Variants in OR10J1 observed in about 807,000 individuals in gnomAD.
The protein encoded by OR10J1 is olfactory receptor family 10 subfamily J member 1.
For missense variants in OR10J1, 474 were observed against 376.6 expected, an observed-to-expected ratio of 1.26 and a Z score of -2.14; for synonymous variants, 202 against 143.8, an observed-to-expected ratio of 1.40 and a Z score of -2.89.
At chr1:159,414,240 A>G in the OR10J1 span, among the ~76,000 whole-genome samples, 2 of 151,616 alleles carry the variant, frequency 1.3e-5, no homozygotes, top group Non-Finnish European at 2.9e-5. Context: ...CTTCATCACC[A>G]CCCTCCTACC....
At chr1:159,404,019 G>A in the OR10J1 span, among the ~76,000 whole-genome samples, 1 of 152,182 alleles carries the variant, frequency 6.6e-6, no homozygotes, top group South Asian at 2.1e-4. Flanking sequence ...GGCACAGGAA[G>A]ACAAACATTG....
At chr1:159,425,609 GA>G in the OR10J1 span, among the ~76,000 whole-genome samples, 8 of 152,016 alleles carry the variant, frequency 5.3e-5, no homozygotes, top group African/African-American at 1.9e-4. Flanking sequence ...AAATTGCAAA[GA>G]AAGAGATAGG....
the OR10J1 span, chr1:159,405,392 G>C: frequency 6.4e-6 from 1 of 156,178 alleles, no homozygotes; most frequent in Non-Finnish European, 1.4e-5. Context: ...CAAAACTTTG[G>C]AGAAGTAAGC....
At chr1:159,435,781 T>C (rs1655719967), upstream of OR10J1, among the ~76,000 whole-genome samples, 1 of 152,204 alleles carries the variant, frequency 6.6e-6, no homozygotes, top group South Asian at 2.1e-4. Flanking sequence ...TAAGAACTAC[T>C]GAAATCTGTT....
At chr1:159,407,250 G>A in the OR10J1 span, among the ~76,000 whole-genome samples, 3 of 152,216 alleles carry the variant, frequency 2.0e-5, no homozygotes, top group African/African-American at 7.2e-5. Flanking sequence ...GAAATAGAGT[G>A]TAATGGGAAG....
chr1:159,433,814 C>A (rs754502211), upstream of OR10J1, among the ~76,000 whole-genome samples: 1 of 152,076 alleles, frequency 6.6e-6, no homozygotes, highest in Non-Finnish European at 1.5e-5. Context: ...GACTTCACTG[C>A]GAGTGCTCTT....
chr1:159,420,851 G>A, the OR10J1 span, among the ~76,000 whole-genome samples: 1 of 151,838 alleles, frequency 6.6e-6, no homozygotes, highest in Non-Finnish European at 1.5e-5. Context: ...TTTGACTTTT[G>A]ACATTTTGAG....
chr1:159,430,435 A>G, the OR10J1 span, among the ~76,000 whole-genome samples: 4 of 152,154 alleles, frequency 2.6e-5, no homozygotes, highest in African/African-American at 9.6e-5. Flanking sequence ...CCAAGGTCAT[A>G]TATGAGTAAG....
At chr1:159,428,439 G>A in the OR10J1 span, among the ~76,000 whole-genome samples, 1 of 151,894 alleles carries the variant, frequency 6.6e-6, no homozygotes, top group Non-Finnish European at 1.5e-5. Flanking sequence ...TTTCTCATAG[G>A]TTTCAATTCC....
At chr1:159,433,262 C>G (rs1479229237), upstream of OR10J1, 1 of 396,616 alleles carries the variant, frequency 2.5e-6, no homozygotes, top group African/African-American at 2.1e-5. Flanking sequence ...ATCTAGGAAT[C>G]TATTCCCCTC....
the OR10J1 span, among the ~76,000 whole-genome samples, chr1:159,424,813 A>T: frequency 3.9e-5 from 6 of 152,160 alleles, no homozygotes; most frequent in Non-Finnish European, 7.4e-5. Context: ...AACAGCATCA[A>T]GGAAAACAGT....
the OR10J1 span, among the ~76,000 whole-genome samples, chr1:159,416,761 CA>C: frequency 6.6e-6 from 1 of 151,946 alleles, no homozygotes; most frequent in Admixed American, 6.6e-5. Context: ...TCTCATTACT[CA>C]TTATAAGTGT....
chr1:159,419,599 A>C, the OR10J1 span, among the ~76,000 whole-genome samples: 1 of 152,176 alleles, frequency 6.6e-6, no homozygotes, highest in Non-Finnish European at 1.5e-5. Flanking sequence ...ACATACTAAC[A>C]CAAGGAGCAT....
the OR10J1 span, among the ~76,000 whole-genome samples, chr1:159,407,903 A>T: frequency 6.6e-6 from 1 of 152,088 alleles, no homozygotes; most frequent in African/African-American, 2.4e-5. Flanking sequence ...ATAACTCACA[A>T]CATCAATAGA....
In OR10J1 at chr1:159,440,845, CA is replaced by C. The variant is rs1469879595; in HGVS notation, c.*125del. 14 of 976,476 alleles carry C rather than the reference CA, an allele frequency of 1.4e-5. No individual in the cohort carries two copies. The East Asian group carries it at 3.2e-4, about 22-fold the overall frequency. The allele number at this position is 976,476 out of a possible 1,614,324, so 60.5% of individuals were successfully genotyped here. On this transcript the variant is annotated 3_prime_UTR_variant, in exon 1 of 1. Coordinates refer to ENST00000423932, the MANE Select transcript of OR10J1 (RefSeq NM_012351.3). ...TAAATAAGAGGCAAAAGAGGAATAG[CA>C]GTTTCATACAACTGGGAGTCTGAAG...
At chr1:159,407,916 A>G in the OR10J1 span, among the ~76,000 whole-genome samples, 1 of 152,062 alleles carries the variant, frequency 6.6e-6, no homozygotes, top group Non-Finnish European at 1.5e-5. Flanking sequence ...TCAATAGAAA[A>G]GAAAGGTAAA....
the OR10J1 span, among the ~76,000 whole-genome samples, chr1:159,417,789 G>C: frequency 6.6e-6 from 1 of 152,178 alleles, no homozygotes; most frequent in Non-Finnish European, 1.5e-5. Context: ...GAAGAAGACA[G>C]GAAAATGTGG....
Position 159,439,979 on chromosome 1 carries a change from T to C in OR10J1, c.188T>C (p.Leu63Pro), listed in dbSNP as rs756577222. Residue 63 changes from leucine to proline, a missense_variant, in exon 1 of 1, where the codon CTG becomes CCG. Physicochemically the swap from Leu to Pro is moderately conservative, Grantham distance 98. Transcript: ENST00000423932. ...LHLHTPMYFFLSMLSTSETVY... is the reference protein window; with the variant it reads ...LHLHTPMYFFPSMLSTSETVY... ...CTTCACACACCCATGTACTTCTTCC[T>C]GAGCATGCTGTCCACTTCAGAGACT... 3 of 1,614,186 alleles carry C rather than the reference T, an allele frequency of 1.9e-6. No homozygotes were observed. Among genetic ancestry groups the C allele is most frequent in the Middle Eastern group, 1.6e-4 (1 of 6,062 alleles).
chr1:159,399,590 A>G, the OR10J1 span, among the ~76,000 whole-genome samples: 1 of 150,768 alleles, frequency 6.6e-6, no homozygotes, highest in Non-Finnish European at 1.5e-5. Context: ...AAAAAAAAAA[A>G]AAAAGAAAGA....
Sources: allele counts gnomAD v4.1 joint callset (sites outside exome capture counted in the v4.1 genomes callset), GRCh38; gene constraint gnomAD v4.1.1; transcripts MANE v1.5; gene names NCBI Gene and HGNC (gene_info 2026-07-23, HGNC 2026-07-21).